SSH1: variants seen among roughly 807,000 people sequenced by gnomAD.
The protein encoded by SSH1 is slingshot protein phosphatase 1.
In SSH1, 43 loss-of-function variants were observed where a neutral mutation model predicts 79.7. The ratio of observed to expected loss-of-function variants is 0.54; its 90% CI spans 0.42 to 0.70. The LOEUF (loss-of-function observed/expected upper bound fraction) is 0.70. SSH1 is among the 30% of genes least tolerant of loss of function. The pLI is 0.00. For missense variants in SSH1, 1,206 were observed against 1,358.8 expected (o/e 0.89, Z 1.77); for synonymous variants, 599 against 538.3 (o/e 1.11, Z -1.56).
rs775661783 is a variant in SSH1 at position 108,792,628 on chromosome 12, G to T, written c.1551C>A (p.Pro517=). ...TTTCATCCTCAGGGGAAGGCAGAAG[G>T]GGGTCTGAGAGTCGCCGGAAACAGC... is the stretch of plus-strand genomic sequence containing the variant. ...LPCCFRRLSD[P]LLPSPEDETG... Residue 517 remains proline, a synonymous_variant, in exon 14 of 15, where the codon CCC becomes CCA. Transcript: ENST00000326495. 1.2e-6 allele frequency: 2 copies of T among 1,612,258 alleles called. No homozygotes were observed. The highest frequency in any genetic ancestry group is 1.7e-6 in the Non-Finnish European group (2 of 1,179,512).
At chr12:108,833,135 C>A (rs74471743) in intron 2 of SSH1, among the ~76,000 whole-genome samples, 3,737 of 151,782 alleles carry the variant, frequency 0.025, 167 homozygotes, top group African/African-American at 0.087. Flanking sequence ...AACTGACCAG[C>A]GAGCTCGCAA....
rs3213777 is a variant in SSH1 at position 108,800,848 on chromosome 12, G to A, written c.1080C>T (p.Val360=). The A allele has an allele frequency of 9.5e-5, 154 of 1,614,006 alleles. No individual in the cohort carries two copies. In the East Asian group the frequency reaches 3.4e-3, roughly 35 times the overall value. Residue 360 remains valine, a synonymous_variant, in exon 12 of 15, where the codon GTC becomes GTT. Coordinates refer to ENST00000326495, the MANE Select transcript of SSH1 (RefSeq NM_018984.4). ...PGLFAYHNIR[V]YDEETTDLLA... ...GGAGGTCTGTGGTCTCTTCATCGTA[G>A]ACTCGGATGTTATGATATGCAAATA...
At chr12:108,855,048 T>G (rs1417600367) in intron 1 of SSH1, among the ~76,000 whole-genome samples, 1 of 152,166 alleles carries the variant, frequency 6.6e-6, no homozygotes, top group Non-Finnish European at 1.5e-5. Context: ...TCATTGGCAC[T>G]TGGTAAAAAT....
At chr12:108,798,949 A>G (rs1404934749) in intron 13 of SSH1, 51 bp downstream of exon 13, 6 of 1,598,016 alleles carry the variant, frequency 3.8e-6, no homozygotes, top group East Asian at 4.5e-5. Context: ...GCTTGGCCAC[A>G]TGGCTGCTCC....
At chr12:108,854,954 C>A (rs899158597) in intron 1 of SSH1, among the ~76,000 whole-genome samples, 1 of 152,176 alleles carries the variant, frequency 6.6e-6, no homozygotes, top group South Asian at 2.1e-4. Context: ...AACATCCCAG[C>A]GCATTCAAAG....
At chr12:108,853,922 C>CA (rs113813284) in intron 1 of SSH1, among the ~76,000 whole-genome samples, 1,476 of 107,554 alleles carry the variant, frequency 0.014, 17 homozygotes, top group African/African-American at 0.033. Flanking sequence ...TACTTCGTTT[C>CA]AAAAAAAAAA....
rs11114067 is a variant in SSH1 at position 108,841,582 on chromosome 12, T to C, written c.110+11056A>G. ...CAGCACTTTGGGAGGCCGAGGCGAG[T>C]GGATCACCTGAGGTCAGGAGTTCGA... On this transcript the variant is annotated intron_variant, in intron 2 of 14. Coordinates refer to ENST00000326495, the MANE Select transcript of SSH1 (RefSeq NM_018984.4). Among the ~76,000 whole-genome samples, 1,363 of 144,864 alleles carry C rather than the reference T, an allele frequency of 9.4e-3. 8 individuals are homozygous for C. The highest frequency in any genetic ancestry group is 0.018 in the Middle Eastern group (4 of 222).
chr12:108,827,177 C>A, intron 2 of SSH1: 7 of 1,359,400 alleles, frequency 5.1e-6, no homozygotes, highest in Non-Finnish European at 6.9e-6. Context: ...CCTCAAAAAA[C>A]CCCAGGCCCC....
chr12:108,841,861 T>G (rs1378336040), intron 2 of SSH1, among the ~76,000 whole-genome samples: 4 of 142,344 alleles, frequency 2.8e-5, no homozygotes, highest in African/African-American at 1.1e-4. Context: ...TATATATATA[T>G]AGCTAGGCAC....
intron 2 of SSH1, among the ~76,000 whole-genome samples, chr12:108,846,954 C>T (rs760372513): frequency 7.2e-5 from 11 of 151,832 alleles, no homozygotes; most frequent in African/African-American, 9.7e-5. Context: ...TGGAGTGCAG[C>T]GGCACAATCT....
intron 13 of SSH1, among the ~76,000 whole-genome samples, chr12:108,793,943 C>T (rs1205547314): frequency 1.3e-5 from 2 of 152,318 alleles, no homozygotes; most frequent in East Asian, 3.9e-4. Flanking sequence ...GAGCGCCTGG[C>T]TTAGGCTGCA....
rs1212537264 is a variant in SSH1 at position 108,778,921 on chromosome 12, T to A, written c.*9067A>T. On this transcript the variant is annotated 3_prime_UTR_variant, in exon 15 of 15. Transcript: ENST00000326495. Reference sequence around the variant, plus strand: ...TCCCAGGCTCAGGAGATCCTTCACCTCAGCCACTCAAGTAGCTGGGACCAC... The same window carrying A: ...TCCCAGGCTCAGGAGATCCTTCACCACAGCCACTCAAGTAGCTGGGACCAC... The A allele has an allele frequency of 1.3e-5, 2 of 152,226 alleles. No homozygotes were observed. The highest frequency in any genetic ancestry group is 4.8e-5 in the African/African-American group (2 of 41,434). The allele number at this position is 152,226 out of a possible 1,614,324, so 9.4% of individuals were successfully genotyped here.
chr12:108,817,341 AG>A (rs759161808), intron 4 of SSH1, 182 bp from the exon 5 acceptor site: 13 of 745,162 alleles, frequency 1.7e-5, no homozygotes, highest in Non-Finnish European at 2.6e-5. Context: ...TGGGAGGCCA[AG>A]GTAGGCAGAT....
chr12:108,814,696 C>A (rs2037801339), intron 5 of SSH1, among the ~76,000 whole-genome samples: 1 of 152,202 alleles, frequency 6.6e-6, no homozygotes, highest in South Asian at 2.1e-4. Flanking sequence ...GGGGTCGGTG[C>A]CCACAGGTGG....
intron 2 of SSH1, among the ~76,000 whole-genome samples, chr12:108,845,153 G>C (rs2038868763): frequency 2.0e-5 from 3 of 148,466 alleles, no homozygotes; most frequent in Admixed American, 1.3e-4. Context: ...AGGCTGCAGT[G>C]AGCCGAGATC....
intron 13 of SSH1, 45 bp from the exon 14 acceptor site, chr12:108,792,874 G>A: frequency 6.2e-7 from 1 of 1,610,494 alleles, no homozygotes; most frequent in South Asian, 1.1e-5. Context: ...GGAGGATGGT[G>A]CCTGGGGGTG....
At chr12:108,821,970 A>C (rs775708577) in intron 3 of SSH1, among the ~76,000 whole-genome samples, 1 of 152,230 alleles carries the variant, frequency 6.6e-6, no homozygotes, top group Non-Finnish European at 1.5e-5. Flanking sequence ...GCTCACAGAC[A>C]TTCAATTATG....
chr12:108,804,668 G>C (rs1331492112), intron 10 of SSH1, among the ~76,000 whole-genome samples: 1 of 152,194 alleles, frequency 6.6e-6, no homozygotes, highest in Non-Finnish European at 1.5e-5. Flanking sequence ...TCTGGGGTTT[G>C]GTGAGGACAC....
At chr12:108,852,414 TA>T (rs2137295382) in intron 2 of SSH1, among the ~76,000 whole-genome samples, 1 of 152,086 alleles carries the variant, frequency 6.6e-6, no homozygotes, top group Admixed American at 6.5e-5. Flanking sequence ...GTTTTTTTAG[TA>T]GAGACAGGGT....
Sources: allele counts gnomAD v4.1 joint callset (sites outside exome capture counted in the v4.1 genomes callset), GRCh38; gene constraint gnomAD v4.1.1; transcripts MANE v1.5; gene names NCBI Gene and HGNC (gene_info 2026-07-23, HGNC 2026-07-21).